The following GRID2 variants were observed in gnomAD, a reference collection of about 807,000 sequenced individuals.
GRID2 encodes the protein glutamate ionotropic receptor delta type subunit 2.
In GRID2, 33 loss-of-function variants were observed where a neutral mutation model predicts 114.8. That is an observed-to-expected ratio of 0.29 (90% CI 0.22 to 0.38). The LOEUF is 0.38. Among genes scored for constraint, GRID2 ranks in the 10% least tolerant of loss-of-function variants. The pLI is 1.00. For synonymous variants in GRID2, 505 were observed against 449.9 expected (o/e 1.12, Z -1.55); for missense variants, 1,184 against 1,257.7 (o/e 0.94, Z 0.89).
intron 2 of GRID2, among the ~76,000 whole-genome samples, chr4:92,926,737 A>G (rs1749836434): frequency 6.6e-6 from 1 of 151,932 alleles, no homozygotes; most frequent in African/African-American, 2.4e-5. Flanking sequence ...TTTATAGAGA[A>G]CAGTTCTGGA....
At chr4:93,468,995 T>C (rs1336172258) in intron 11 of GRID2, among the ~76,000 whole-genome samples, 1 of 152,114 alleles carries the variant, frequency 6.6e-6, no homozygotes, top group Non-Finnish European at 1.5e-5. Flanking sequence ...AAACTTTAAC[T>C]CCAAGATCTA....
At position 92,775,179 on chromosome 4, in the gene GRID2, G is replaced by A. The variant is rs79965804; in HGVS notation, c.244+184893G>A. Among the ~76,000 whole-genome samples, 576 of 152,238 alleles carry A rather than the reference G, an allele frequency of 3.8e-3. 4 individuals carry two copies. The highest frequency in any genetic ancestry group is 0.013 in the African/African-American group (533 of 41,544). On this transcript the variant is annotated intron_variant, in intron 2 of 15. Transcript: ENST00000282020. ...TTTTCTTCTTCCAATTACTCAGAAT[G>A]CATAGGATTCCTAGGGTAGCAGTTC...
At chr4:92,868,054 TTCTTTCTTTCTTTCTG>T (rs1369477682) in intron 2 of GRID2, among the ~76,000 whole-genome samples, 37 of 139,258 alleles carry the variant, frequency 2.7e-4, no homozygotes, top group African/African-American at 7.2e-4. Flanking sequence ...CTTTCTTTCT[TTCTTTCTTTCTTTCTG>T]TCTGTCTGTC....
chr4:92,975,156 C>CAAAAAAAAAAAAAAA (rs527770693), intron 2 of GRID2, among the ~76,000 whole-genome samples: 2,735 of 46,590 alleles, frequency 0.059, 699 homozygotes, highest in African/African-American at 0.1. Context: ...GATTCCGCCT[C>CAAAAAAAAAAAAAAA]AAAAAAAAAA....
intron 2 of GRID2, among the ~76,000 whole-genome samples, chr4:92,991,073 C>G (rs1754876136): frequency 6.6e-6 from 1 of 152,096 alleles, no homozygotes; most frequent in Non-Finnish European, 1.5e-5. Flanking sequence ...GACAATGACT[C>G]TGTGAATAGG....
At chr4:92,417,899 C>T (rs1731699120) in intron 1 of GRID2, among the ~76,000 whole-genome samples, 1 of 152,112 alleles carries the variant, frequency 6.6e-6, no homozygotes, top group Non-Finnish European at 1.5e-5. Context: ...GGGATTTCCC[C>T]TGTGCAGGCT....
rs548952273 is a variant in GRID2 at position 92,732,880 on chromosome 4, C to T, written c.244+142594C>T. Among the ~76,000 whole-genome samples, 23 of 152,208 alleles carry T rather than the reference C, an allele frequency of 1.5e-4. No homozygotes were observed. The South Asian group carries it at 4.1e-3, about 27-fold the overall frequency. On this transcript the variant is annotated intron_variant, in intron 2 of 15. Transcript: ENST00000282020. ...GTGTGCTTTTGCATTTGTCGTTGTA[C>T]ATTTTTCTCCCAATTTTGTGGCTGT...
At chr4:93,748,302 C>T (rs923999249) in intron 14 of GRID2, among the ~76,000 whole-genome samples, 2 of 152,030 alleles carry the variant, frequency 1.3e-5, no homozygotes, top group African/African-American at 4.8e-5. Flanking sequence ...ATTATATATA[C>T]ATTATAATAA....
intron 2 of GRID2, among the ~76,000 whole-genome samples, chr4:92,615,741 A>C (rs1191203680): frequency 6.6e-6 from 1 of 151,470 alleles, no homozygotes; most frequent in East Asian, 1.9e-4. Context: ...GAAATGTGTC[A>C]TTTTAATTCC....
chr4:92,536,464 T>A (rs1349917883), intron 1 of GRID2, among the ~76,000 whole-genome samples: 1 of 152,180 alleles, frequency 6.6e-6, no homozygotes, highest in Non-Finnish European at 1.5e-5. Context: ...CCTGTAGAAT[T>A]TAAATTAATA....
intron 14 of GRID2, among the ~76,000 whole-genome samples, chr4:93,654,008 G>C (rs2149725828): frequency 6.6e-6 from 1 of 152,212 alleles, no homozygotes; most frequent in South Asian, 2.1e-4. Flanking sequence ...CAACAATAAA[G>C]ATAGATTTCA....
intron 4 of GRID2, among the ~76,000 whole-genome samples, chr4:93,165,837 A>G (rs1738200597): frequency 6.6e-6 from 1 of 152,128 alleles, no homozygotes; most frequent in African/African-American, 2.4e-5. Flanking sequence ...ACCACCTATT[A>G]GAACCACAAA....
intron 4 of GRID2, among the ~76,000 whole-genome samples, chr4:93,167,354 T>C (rs918263499): frequency 2.6e-5 from 4 of 152,190 alleles, no homozygotes; most frequent in African/African-American, 7.2e-5. Flanking sequence ...TCCTTGGTGC[T>C]AATTTTTATT....
At chr4:92,741,315 T>C (rs1486368332) in intron 2 of GRID2, among the ~76,000 whole-genome samples, 1 of 152,124 alleles carries the variant, frequency 6.6e-6, no homozygotes, top group African/African-American at 2.4e-5. Context: ...CATATAAGAT[T>C]CAGATAATCG....
intron 1 of GRID2, among the ~76,000 whole-genome samples, chr4:93,793,577 G>A (rs1041584314): frequency 1.3e-5 from 2 of 152,072 alleles, no homozygotes; most frequent in African/African-American, 2.4e-5. Context: ...AATTTAACAT[G>A]CATTCTCTCT....
intron 14 of GRID2, among the ~76,000 whole-genome samples, chr4:93,634,876 G>A (rs946934096): frequency 1.3e-5 from 2 of 152,010 alleles, no homozygotes; most frequent in African/African-American, 4.8e-5. Context: ...AACAAGAAAG[G>A]CTATGCAGAT....
At chr4:92,820,749 A>G (rs1236966357) in intron 2 of GRID2, among the ~76,000 whole-genome samples, 1 of 152,166 alleles carries the variant, frequency 6.6e-6, no homozygotes, top group Non-Finnish European at 1.5e-5. Flanking sequence ...ACAGTGATGT[A>G]TATACAAGTA....
intron 2 of GRID2, among the ~76,000 whole-genome samples, chr4:92,947,282 T>C (rs1018188085): frequency 6.6e-6 from 1 of 152,026 alleles, no homozygotes; most frequent in Non-Finnish European, 1.5e-5. Flanking sequence ...TGCGTGTGTA[T>C]TGTCTACCTG....
At chr4:92,778,697 A>G (rs1442841510) in intron 2 of GRID2, among the ~76,000 whole-genome samples, 2 of 152,124 alleles carry the variant, frequency 1.3e-5, no homozygotes, top group African/African-American at 4.8e-5. Context: ...GAGCTATAAC[A>G]TTTCAGCTAA....
Sources: allele counts gnomAD v4.1 joint callset (sites outside exome capture counted in the v4.1 genomes callset), GRCh38; gene constraint gnomAD v4.1.1; transcripts MANE v1.5; gene names NCBI Gene and HGNC (gene_info 2026-07-23, HGNC 2026-07-21).